Variants in KMT2A observed in about 807,000 individuals in gnomAD.
KMT2A encodes the protein lysine methyltransferase 2A, also known as histone-lysine N-methyltransferase 2A.
In KMT2A, 16 loss-of-function variants were observed where a neutral mutation model predicts 345.3. The observed-to-expected ratio is 0.05, with a 90% CI of 0.03 to 0.07. The LOEUF (loss-of-function observed/expected upper bound fraction) is 0.07. Ranked by LOEUF, KMT2A falls within the 10% of genes least tolerant of loss-of-function variation. The pLI, the probability that KMT2A is intolerant of heterozygous loss-of-function variation, is 1.00. For missense variants in KMT2A, 3,272 were observed against 4,841.6 expected, an observed-to-expected ratio of 0.68 and a Z score of 9.62; for synonymous variants, 1,599 against 1,778.6, an observed-to-expected ratio of 0.90 and a Z score of 2.54.
intron 1 of KMT2A, among the ~76,000 whole-genome samples, chr11:118,468,251 G>C (rs1477760634): frequency 3.9e-5 from 6 of 152,112 alleles, no homozygotes; most frequent in Non-Finnish European, 7.3e-5. Context: ...CAAATGTACA[G>C]AAATCACATC....
chr11:118,519,413 G>C, intron 31 of KMT2A: 1 of 494,720 alleles, frequency 2.0e-6, no homozygotes, highest in East Asian at 3.0e-5. Flanking sequence ...TCACTTAGCC[G>C]TCTATCACAA....
At position 118,522,120 on chromosome 11, in the gene KMT2A, A is replaced by G. The variant is rs1950983115; in HGVS notation, c.11867A>G (p.Asn3956Ser). Reference sequence around the variant, plus strand: ...AAGTTCCCCATTGAGGATGCCAGCAACAAGCTGCCCTGCAACTGTGGCGCC... The same window carrying G: ...AAGTTCCCCATTGAGGATGCCAGCAGCAAGCTGCCCTGCAACTGTGGCGCC... Reference protein sequence around the residue: ...DYKFPIEDASNKLPCNCGAKK... With the variant: ...DYKFPIEDASSKLPCNCGAKK... The change falls in exon 36 of 36, where the codon AAC becomes AGC. Residue 3956 changes from asparagine to serine, a missense_variant. This residue lies in a region of KMT2A where 78 missense variants were observed against 254.5 expected (regional missense o/e 0.31). Coordinates refer to ENST00000534358, the MANE Select transcript of KMT2A (RefSeq NM_001197104.2). This position sits in a 1 kb window ranked among gnomAD's most constrained non-coding sequence, Gnocchi z 5.4. 6.2e-7 allele frequency: 1 copy of G among 1,614,250 alleles called. No homozygotes were observed. The highest frequency in any genetic ancestry group is 2.2e-5 in the East Asian group (1 of 44,882).
Position 118,473,140 on chromosome 11 carries a change from G to A in KMT2A, c.1981G>A (p.Val661Ile), listed in dbSNP as rs1458634194. ...ACCCCCTCCACTAACTCCCGAGGACGTTGGCTTTGCATCTGGTTTTTCTGC... is the reference window on the plus strand; with the variant it reads ...ACCCCCTCCACTAACTCCCGAGGACATTGGCTTTGCATCTGGTTTTTCTGC... ...FRPPPLTPED[V>I]GFASGFSASG... Residue 661 changes from valine (V) to isoleucine (I), a missense_variant, in exon 3 of 36, where the codon GTT becomes ATT. Physicochemically the swap from Val to Ile is conservative, Grantham distance 29. Coordinates refer to ENST00000534358, the MANE Select transcript of KMT2A (RefSeq NM_001197104.2). The surrounding 1 kb of genome is among the most constrained non-coding windows in gnomAD (Gnocchi z 5.2). 9 of 1,613,934 alleles carry A rather than the reference G, an allele frequency of 5.6e-6. No individual in the cohort carries two copies. Among genetic ancestry groups the A allele is most frequent in the Admixed American group, 1.7e-5 (1 of 60,004 alleles).
Position 118,498,581 on chromosome 11 carries a change from G to T in KMT2A, c.5961+53G>T. The T allele has an allele frequency of 3.9e-6, 6 of 1,528,940 alleles. No individual in the cohort carries two copies. The highest frequency in any genetic ancestry group is 5.2e-6 in the Non-Finnish European group (6 of 1,142,976). 94.7% of individuals were successfully genotyped at this position (1,528,940 alleles called of 1,614,324 possible). A position where few individuals can be genotyped will look rare whatever the true frequency, so the allele number is the denominator to read the frequency against. On this transcript the variant is annotated intron_variant, in intron 22 of 35. Coordinates refer to ENST00000534358, the MANE Select transcript of KMT2A (RefSeq NM_001197104.2). This position sits in a 1 kb window ranked among gnomAD's most constrained non-coding sequence, Gnocchi z 4.4. ...AAAAAAAAAAGACTTTTTTAGAGCA[G>T]TTTTAGGTTCACAGCAAAATTGACT...
Position 118,474,251 on chromosome 11 carries a change from A to G in KMT2A, c.3092A>G (p.Lys1031Arg). Residue 1031 changes from lysine (K) to arginine (R), a missense_variant, in exon 3 of 36, where the codon AAA (lysine) becomes AGA (arginine). By Grantham distance (26) the Lys-to-Arg change is conservative (BLOSUM62 2). This residue lies in a region of KMT2A where 39 missense variants were observed against 88.9 expected (regional missense o/e 0.44). Coordinates refer to ENST00000534358, the MANE Select transcript of KMT2A (RefSeq NM_001197104.2). ...KRVASLLKKA[K>R]AQLCKIEKSK... The stretch of plus-strand genomic sequence containing the variant: ...GTTGCCAGCCTCCTAAAAAAGGCCA[A>G]AGCTCAGCTCTGCAAGATTGAGAAG... 6.2e-7 allele frequency: 1 copy of G among 1,614,184 alleles called. No homozygotes were observed.
chr11:118,509,705 A>C (rs782245671), intron 29 of KMT2A, among the ~76,000 whole-genome samples: 6 of 152,176 alleles, frequency 3.9e-5, no homozygotes, highest in Non-Finnish European at 8.8e-5. Flanking sequence ...AGATCGTCAT[A>C]CTAGAAATTC....
chr11:118,510,117 A>G lies in KMT2A; in HGVS notation c.11070A>G (p.Glu3690=), dbSNP rs782621668. 2.5e-6 allele frequency: 4 copies of G among 1,602,472 alleles called. No individual in the cohort carries two copies. The South Asian group carries it at 4.5e-5, about 18-fold the overall frequency. Residue 3690 remains glutamate (E), a splice_region_variant and synonymous_variant, in exon 30 of 36, where the codon GAA becomes GAG. Transcript: ENST00000534358. This position sits in a 1 kb window ranked among gnomAD's most constrained non-coding sequence, Gnocchi z 4.1. ...TTCAGATCTGTGCAGAAAGTATTGA[A>G]GGTGAGTGGATTAAATCAGGTTGAC... The part of the protein sequence containing the change: ...DGFQICAESI[E]DAWKSLTDKV...
At chr11:118,482,131 G>A (rs781828974) in intron 7 of KMT2A, 39 bp downstream of exon 7, 3 of 1,552,876 alleles carry the variant, frequency 1.9e-6, no homozygotes, top group Admixed American at 2.1e-5. Context: ...TGAACCACAA[G>A]TACTAACAAA....
At chr11:118,451,367 A>T (rs1459764390) in intron 1 of KMT2A, among the ~76,000 whole-genome samples, 1 of 151,902 alleles carries the variant, frequency 6.6e-6, no homozygotes, top group African/African-American at 2.4e-5. Flanking sequence ...TCACAACACC[A>T]TGCCTACTAA....
rs2134153902 is a variant in KMT2A at position 118,436,734 on chromosome 11, T to C, written c.222T>C (p.Val74=). Reference sequence around the variant, plus strand: ...CGGCGGGAAGCAGCGGGGCTGGGGTTCCAGGGGGAGCGGCCGCCGCCTCAG... The same window carrying C: ...CGGCGGGAAGCAGCGGGGCTGGGGTCCCAGGGGGAGCGGCCGCCGCCTCAG... ...AAAAGSSGAG[V]PGGAAAASAA... is the part of the protein sequence containing the mutation. The change falls in exon 1 of 36, where the codon GTT becomes GTC. Residue 74 remains valine, a synonymous_variant. Coordinates refer to ENST00000534358, the MANE Select transcript of KMT2A (RefSeq NM_001197104.2). The surrounding 1 kb of genome is among the most constrained non-coding windows in gnomAD (Gnocchi z 6.9). The C allele has an allele frequency of 6.3e-7, 1 of 1,579,242 alleles. No homozygotes were observed. Among genetic ancestry groups the C allele is most frequent in the Non-Finnish European group, 8.6e-7 (1 of 1,163,726 alleles).
At chr11:118,482,329 T>G (rs1950149052) in intron 7 of KMT2A, 93 bp from the exon 8 acceptor site, 2 of 978,570 alleles carry the variant, frequency 2.0e-6, no homozygotes, top group South Asian at 3.6e-5. Context: ...ATAGTTTTTT[T>G]TTTTTTTTTC....
intron 1 of KMT2A, among the ~76,000 whole-genome samples, chr11:118,457,346 C>A (rs1949664265): frequency 7.1e-6 from 1 of 141,802 alleles, no homozygotes; most frequent in Admixed American, 7.4e-5. Flanking sequence ...TAGCTCACTG[C>A]AACCTCTGCC....
At chr11:118,492,953 A>T in intron 15 of KMT2A, 104 bp from the exon 16 acceptor site, 1 of 870,266 alleles carries the variant, frequency 1.1e-6, no homozygotes, top group Non-Finnish European at 1.8e-6. Context: ...CTTGGGTTTT[A>T]CAATATTAAT....
intron 27 of KMT2A, 44 bp downstream of exon 27, chr11:118,506,690 A>C (rs782103460): frequency 6.6e-7 from 1 of 1,522,136 alleles, no homozygotes; most frequent in Admixed American, 2.1e-5. Context: ...GTGGGATTTC[A>C]TGTTGTAAAT....
At chr11:118,437,775 G>A (rs375274654) in intron 1 of KMT2A, among the ~76,000 whole-genome samples, 3 of 152,078 alleles carry the variant, frequency 2.0e-5, no homozygotes, top group African/African-American at 4.8e-5. Context: ...TAGAATGAAG[G>A]ATTAGTGGCA....
intron 10 of KMT2A, 105 bp from the exon 11 acceptor site, chr11:118,488,509 T>G: frequency 9.4e-7 from 1 of 1,063,092 alleles, no homozygotes; most frequent in East Asian, 2.4e-5. Flanking sequence ...ATTAAATATA[T>G]GCCAGTGGAC....
intron 24 of KMT2A, 105 bp from the exon 25 acceptor site, chr11:118,500,882 A>G: frequency 1.3e-6 from 1 of 787,512 alleles, no homozygotes; most frequent in Non-Finnish European, 2.0e-6. Context: ...TAAACTCTGT[A>G]ATTAAGAGGG....
intron 1 of KMT2A, among the ~76,000 whole-genome samples, chr11:118,458,605 G>A (rs1233711979): frequency 1.3e-5 from 2 of 152,160 alleles, no homozygotes; most frequent in African/African-American, 2.4e-5. Flanking sequence ...TATCCTCAGA[G>A]TACACACTCT....
intron 29 of KMT2A, among the ~76,000 whole-genome samples, chr11:118,509,697 ATCG>A (rs1406939751): frequency 6.6e-5 from 10 of 152,270 alleles, no homozygotes; most frequent in African/African-American, 2.2e-4. Flanking sequence ...AAACTATCAG[ATCG>A]TCATACTAGA....
Sources: gnomAD v4.1 joint callset for allele counts (sites outside exome capture counted in the v4.1 genomes callset) on GRCh38, gnomAD v4.1.1 for gene constraint, gnomAD v4.1.1 regional missense constraint, Gnocchi (gnomAD v3.1) non-coding constraint, MANE v1.5 for transcripts, NCBI Gene and HGNC (gene_info 2026-07-23, HGNC 2026-07-21) for gene names.